RAPH1: variants seen among roughly 807,000 people sequenced by gnomAD.
The protein encoded by RAPH1 is Ras association (RalGDS/AF-6) and pleckstrin homology domains 1, also known as ras-associated and pleckstrin homology domains-containing protein 1.
A neutral mutation model predicts 88.1 loss-of-function variants in RAPH1; 18 were observed. The ratio of observed to expected loss-of-function variants is 0.20; its 90% CI spans 0.14 to 0.30. RAPH1 has a LOEUF of 0.30. Ranked by LOEUF, RAPH1 falls within the 10% of genes least tolerant of loss-of-function variation. RAPH1 has a pLI of 1.00. For synonymous variants in RAPH1, 587 were observed against 559.0 expected (o/e 1.05, Z -0.71); for missense variants, 1,448 against 1,543.2 (o/e 0.94, Z 1.03).
At chr2:203,506,865 T>TATATAG (rs1689092806) in intron 1 of RAPH1, among the ~76,000 whole-genome samples, 1 of 90,156 alleles carries the variant, frequency 1.1e-5, no homozygotes, top group Non-Finnish European at 2.1e-5. Context: ...TCTATATATA[T>TATATAG]ATATATATAT....
chr2:203,491,054 A>G (rs556959893), intron 3 of RAPH1, among the ~76,000 whole-genome samples, 160 bp downstream of exon 3: 2 of 151,900 alleles, frequency 1.3e-5, no homozygotes, highest in Non-Finnish European at 2.9e-5. Context: ...CAAAAAAAAA[A>G]AAAAAAGAAA....
At chr2:203,529,138 C>T (rs1690273323) in intron 1 of RAPH1, among the ~76,000 whole-genome samples, 1 of 149,824 alleles carries the variant, frequency 6.7e-6, no homozygotes, top group Admixed American at 6.7e-5. Flanking sequence ...CATCACCATG[C>T]CTGCCTAATT....
chr2:203,492,496 G>A lies in RAPH1; in HGVS notation c.121-1177C>T, dbSNP rs565435843. Among the ~76,000 whole-genome samples, 3 of 152,258 alleles carry A rather than the reference G, an allele frequency of 2.0e-5. No homozygotes were observed. In the South Asian group the frequency reaches 6.2e-4, roughly 32 times the overall value. On this transcript the variant is annotated intron_variant, in intron 2 of 13. Coordinates refer to ENST00000319170, the MANE Select transcript of RAPH1 (RefSeq NM_213589.3). ...AAATTGCAACCCAGCTACACTGCCT[G>A]TGACAAATCTTGAATCATACTGTAT...
At chr2:203,496,602 C>G (rs941480665) in intron 1 of RAPH1, among the ~76,000 whole-genome samples, 5 of 152,080 alleles carry the variant, frequency 3.3e-5, no homozygotes, top group African/African-American at 7.2e-5. Flanking sequence ...GAACTTGAAA[C>G]AAATTAAATG....
rs1342739843 is a variant in RAPH1, at chr2:203,503,384, A to G, written c.1-8031T>C. 2.0e-5 allele frequency among the ~76,000 whole-genome samples: 3 copies of G among 152,172 alleles called. No individual in the cohort carries two copies. The East Asian group carries it at 5.8e-4, about 29-fold the overall frequency. On this transcript the variant is annotated intron_variant, in intron 1 of 13. Coordinates refer to ENST00000319170, the MANE Select transcript of RAPH1 (RefSeq NM_213589.3). ...TCCACATGGCTGGGAGGGCCTCAGAATCATGGCAGTGGCAAGACAAAATGT... is the reference window on the plus strand; with the variant it reads ...TCCACATGGCTGGGAGGGCCTCAGAGTCATGGCAGTGGCAAGACAAAATGT...
chr2:203,486,930 C>T (rs1559479850), intron 4 of RAPH1, among the ~76,000 whole-genome samples: 1 of 152,150 alleles, frequency 6.6e-6, no homozygotes, highest in African/African-American at 2.4e-5. Flanking sequence ...ACTCACCAAA[C>T]CTTACATTAA....
At chr2:203,477,437 A>G (rs2105767557) in intron 4 of RAPH1, among the ~76,000 whole-genome samples, 1 of 152,292 alleles carries the variant, frequency 6.6e-6, no homozygotes, top group South Asian at 2.1e-4. Flanking sequence ...CATTATGTCT[A>G]ATACCAATTC....
chr2:203,439,376 G>T lies in RAPH1; in HGVS notation c.*61C>A. 1 of 1,488,014 alleles carries T rather than the reference G, an allele frequency of 6.7e-7. No homozygotes were observed. The highest frequency in any genetic ancestry group is 1.2e-5 in the South Asian group (1 of 82,224). The allele number at this position is 1,488,014 out of a possible 1,614,324, so 92.2% of individuals were successfully genotyped here. A position where few individuals can be genotyped will look rare whatever the true frequency, so the allele number is the denominator to read the frequency against. On this transcript the variant is annotated 3_prime_UTR_variant, in exon 14 of 14. Transcript: ENST00000319170. Reference sequence around the variant, plus strand: ...GCTCTGAACACCTGAATTCACAGATGATCAGGTGAGCTGATTGTAGCAGTG... The same window carrying T: ...GCTCTGAACACCTGAATTCACAGATTATCAGGTGAGCTGATTGTAGCAGTG...
intron 4 of RAPH1, among the ~76,000 whole-genome samples, chr2:203,483,831 C>T (rs760278703): frequency 6.6e-6 from 1 of 152,196 alleles, no homozygotes; most frequent in Non-Finnish European, 1.5e-5. Context: ...GATATCAGAA[C>T]TCCAGGCTCT....
intron 1 of RAPH1, among the ~76,000 whole-genome samples, chr2:203,497,229 C>A (rs370809973): frequency 6.6e-6 from 1 of 152,214 alleles, no homozygotes; most frequent in African/African-American, 2.4e-5. Context: ...CAAGCCCTCA[C>A]CAGACACCAA....
intron 4 of RAPH1, chr2:203,476,973 T>C: frequency 1.2e-6 from 1 of 819,944 alleles, no homozygotes; most frequent in South Asian, 1.7e-5. Flanking sequence ...GTTTAATTTT[T>C]ATTTGAAAAA....
At chr2:203,528,099 T>C (rs942599684) in intron 1 of RAPH1, among the ~76,000 whole-genome samples, 1 of 152,096 alleles carries the variant, frequency 6.6e-6, no homozygotes, top group African/African-American at 2.4e-5. Flanking sequence ...ATAAAAAGAG[T>C]AGAGTTCTAA....
chr2:203,512,309 T>C (rs1689378739), intron 1 of RAPH1, among the ~76,000 whole-genome samples: 1 of 150,510 alleles, frequency 6.6e-6, no homozygotes, highest in Non-Finnish European at 1.5e-5. Context: ...CACACCAAGA[T>C]TGTGCCACTG....
chr2:203,490,204 A>G, intron 3 of RAPH1, 115 bp from the exon 4 acceptor site: 1 of 1,052,792 alleles, frequency 9.5e-7, no homozygotes, highest in Non-Finnish European at 1.3e-6. Flanking sequence ...AGCAAATAAA[A>G]TTAAGTATTT....
At position 203,433,696 on chromosome 2, in the gene RAPH1, C is replaced by G. The variant is rs1194754357; in HGVS notation, c.*5741G>C. ...AAGTTAACAAATTGAACATATCAAA[C>G]TAGTTTATTTACCACACTTAATTTC... On this transcript the variant is annotated 3_prime_UTR_variant, in exon 14 of 14. Coordinates refer to ENST00000319170, the MANE Select transcript of RAPH1 (RefSeq NM_213589.3). The G allele has an allele frequency of 6.6e-6, 1 of 152,162 alleles. No individual in the cohort carries two copies. The highest frequency in any genetic ancestry group is 2.4e-5 in the African/African-American group (1 of 41,440). The allele number at this position is 152,162 out of a possible 1,614,324, so 9.4% of individuals were successfully genotyped here. A position where few individuals can be genotyped will look rare whatever the true frequency, so the allele number is the denominator to read the frequency against.
At chr2:203,506,826 A>ATATATCTATATC (rs1186383818) in intron 1 of RAPH1, among the ~76,000 whole-genome samples, 1,673 of 24,170 alleles carry the variant, frequency 0.069, 88 homozygotes, top group Non-Finnish European at 0.12. Context: ...ATATCTATAT[A>ATATATCTATATC]TATATCTATA....
intron 9 of RAPH1, among the ~76,000 whole-genome samples, 175 bp downstream of exon 9, chr2:203,455,262 G>A (rs923261054): frequency 2.6e-5 from 4 of 152,334 alleles, no homozygotes; most frequent in Non-Finnish European, 5.9e-5. Flanking sequence ...GACCAGAGAA[G>A]TAAGAACTTT....
Position 203,526,225 on chromosome 2 carries a change from T to A in RAPH1, c.-1+8886A>T, listed in dbSNP as rs1690107692. On this transcript the variant is annotated intron_variant, in intron 1 of 13. Coordinates refer to ENST00000319170, the MANE Select transcript of RAPH1 (RefSeq NM_213589.3). ...AAAGTCTCAATTTGCTAACGTTTTT[T>A]AAAAAAATGTTTTATTACTGTATGT... 1.3e-5 allele frequency among the ~76,000 whole-genome samples: 2 copies of A among 152,138 alleles called. 1 individual carries two copies. Among genetic ancestry groups the A allele is most frequent in the Non-Finnish European group, 2.9e-5 (2 of 68,012 alleles).
chr2:203,442,137 A>G, intron 13 of RAPH1: 3 of 1,516,214 alleles, frequency 2.0e-6, no homozygotes, highest in South Asian at 1.3e-5. Context: ...CTGTAAAAAT[A>G]TCATACAGAA....
Sources: gnomAD v4.1 joint callset for allele counts (sites outside exome capture counted in the v4.1 genomes callset) on GRCh38, gnomAD v4.1.1 for gene constraint, MANE v1.5 for transcripts, NCBI Gene and HGNC (gene_info 2026-07-23, HGNC 2026-07-21) for gene names.